DENND1A: variants seen among roughly 807,000 people sequenced by gnomAD.
The protein encoded by DENND1A is DENN domain containing 1A.
In DENND1A, 51 loss-of-function variants were observed where a neutral mutation model predicts 113.7. The observed-to-expected ratio is 0.45, with a 90% CI of 0.36 to 0.57. The LOEUF is 0.57. DENND1A is among the 20% of genes least tolerant of loss of function. DENND1A has a pLI of 0.00. For synonymous variants in DENND1A, 565 were observed against 570.8 expected (o/e 0.99, Z 0.14); for missense variants, 1,258 against 1,395.9 (o/e 0.90, Z 1.57).
intron 18 of DENND1A, among the ~76,000 whole-genome samples, chr9:123,441,204 C>T (rs931375099): frequency 3.3e-5 from 5 of 152,276 alleles, no homozygotes; most frequent in Admixed American, 1.3e-4. Flanking sequence ...ACCAGTTTCA[C>T]GATACTTGTG....
chr9:123,580,848 C>T (rs2058854363), intron 12 of DENND1A, among the ~76,000 whole-genome samples: 1 of 152,184 alleles, frequency 6.6e-6, no homozygotes, highest in Non-Finnish European at 1.5e-5. Context: ...TAAGTTCTGT[C>T]ATCTCTTGCT....
intron 18 of DENND1A, among the ~76,000 whole-genome samples, chr9:123,440,867 A>G (rs897761611): frequency 6.6e-6 from 1 of 152,230 alleles, no homozygotes; most frequent in Non-Finnish European, 1.5e-5. Context: ...TTTCCCCACT[A>G]TATTATAAGC....
chr9:123,396,876 G>C (rs1418047383), intron 21 of DENND1A, among the ~76,000 whole-genome samples: 1 of 152,150 alleles, frequency 6.6e-6, no homozygotes, highest in African/African-American at 2.4e-5. Flanking sequence ...GTATAAGGTG[G>C]TACAATTCTT....
intron 13 of DENND1A, among the ~76,000 whole-genome samples, chr9:123,463,495 G>T (rs1182614810): frequency 6.6e-6 from 1 of 152,108 alleles, no homozygotes; most frequent in African/African-American, 2.4e-5. Context: ...GACCCATAGA[G>T]TATTACATTC....
chr9:123,730,791 A>G (rs986604812), intron 5 of DENND1A, among the ~76,000 whole-genome samples: 2 of 152,216 alleles, frequency 1.3e-5, no homozygotes, highest in African/African-American at 4.8e-5. Flanking sequence ...ATTCTACTAT[A>G]AAGACACATG....
chr9:123,700,930 A>G (rs532554985), intron 5 of DENND1A, among the ~76,000 whole-genome samples: 1 of 152,332 alleles, frequency 6.6e-6, no homozygotes, highest in South Asian at 2.1e-4. Flanking sequence ...ATTTTGTTCA[A>G]TGTATCCCTT....
intron 1 of DENND1A, among the ~76,000 whole-genome samples, chr9:123,903,902 C>T (rs1443760581): frequency 7.2e-5 from 11 of 152,094 alleles, no homozygotes; most frequent in Non-Finnish European, 1.3e-4. Flanking sequence ...CCTCTGTAGG[C>T]TCCACCTCTG....
chr9:123,428,146 A>G (rs2045883053), intron 19 of DENND1A, among the ~76,000 whole-genome samples: 1 of 151,536 alleles, frequency 6.6e-6, no homozygotes, highest in South Asian at 2.1e-4. Context: ...TCTACAAAAA[A>G]TACAAAAATT....
chr9:123,872,677 A>G (rs928017177), intron 2 of DENND1A, among the ~76,000 whole-genome samples: 7 of 152,218 alleles, frequency 4.6e-5, no homozygotes, highest in Non-Finnish European at 8.8e-5. Context: ...AAAAATTTAA[A>G]GACAAATGGA....
chr9:123,513,921 A>G (rs2053654919), intron 13 of DENND1A, among the ~76,000 whole-genome samples: 2 of 152,220 alleles, frequency 1.3e-5, no homozygotes, highest in South Asian at 4.1e-4. Flanking sequence ...AGCCTGCCCA[A>G]CATGGATCCC....
chr9:123,798,084 A>G (rs1416768677), intron 2 of DENND1A, among the ~76,000 whole-genome samples: 1 of 152,162 alleles, frequency 6.6e-6, no homozygotes, highest in Non-Finnish European at 1.5e-5. Flanking sequence ...AAAACTTTAA[A>G]TCATCCCAAT....
intron 5 of DENND1A, among the ~76,000 whole-genome samples, chr9:123,738,907 T>G (rs1270969432): frequency 1.3e-5 from 2 of 152,206 alleles, no homozygotes; most frequent in East Asian, 3.8e-4. Context: ...GAATTGGGAT[T>G]TGATGTGGCT....
At chr9:123,538,751 T>A (rs1456788830) in intron 13 of DENND1A, among the ~76,000 whole-genome samples, 13 of 77,468 alleles carry the variant, frequency 1.7e-4, no homozygotes, top group South Asian at 3.7e-4. Flanking sequence ...TGTGTGTGAG[T>A]GTGTGTGTGT....
intron 9 of DENND1A, among the ~76,000 whole-genome samples, chr9:123,645,694 G>T (rs779146648): frequency 3.9e-5 from 6 of 152,124 alleles, no homozygotes; most frequent in Non-Finnish European, 7.4e-5. Context: ...TCTTTGTTAA[G>T]AAAAGCCTTT....
rs547751275 is a variant in DENND1A at position 123,431,895 on chromosome 9, C to T, written c.1488+8465G>A. On this transcript the variant is annotated intron_variant, in intron 19 of 23. Coordinates refer to ENST00000394215, the MANE Select transcript of DENND1A (RefSeq NM_001352964.2). ...GTCCTAGAAGGAGGGATGGTCTGGA[C>T]GGTCTGGAGGGGTGGACTAAGCTTG... 1.1e-3 allele frequency among the ~76,000 whole-genome samples: 162 copies of T among 152,302 alleles called. 1 individual carries two copies. The highest frequency in any genetic ancestry group is 3.7e-3 in the African/African-American group (154 of 41,576).
chr9:123,512,824 T>C (rs1016109607), intron 13 of DENND1A, among the ~76,000 whole-genome samples: 1 of 152,220 alleles, frequency 6.6e-6, no homozygotes, highest in Admixed American at 6.5e-5. Context: ...CCTCTACCTC[T>C]CTGAGTCTCA....
At chr9:123,763,201 T>C (rs1249282284) in intron 4 of DENND1A, among the ~76,000 whole-genome samples, 1 of 152,062 alleles carries the variant, frequency 6.6e-6, no homozygotes, top group Non-Finnish European at 1.5e-5. Context: ...AGAGAGCAGT[T>C]TGGAAGAAGG....
At chr9:123,585,535 T>C (rs1412323412) in intron 11 of DENND1A, among the ~76,000 whole-genome samples, 1 of 152,238 alleles carries the variant, frequency 6.6e-6, no homozygotes, top group Non-Finnish European at 1.5e-5. Flanking sequence ...ATGAGAATGC[T>C]GAGATTCACA....
intron 8 of DENND1A, among the ~76,000 whole-genome samples, chr9:123,663,079 T>C (rs989958785): frequency 6.6e-6 from 1 of 152,216 alleles, no homozygotes; most frequent in African/African-American, 2.4e-5. Context: ...TCAACAACTA[T>C]GTAGTACTAC....
Sources: allele counts gnomAD v4.1 joint callset (sites outside exome capture counted in the v4.1 genomes callset), GRCh38; gene constraint gnomAD v4.1.1; transcripts MANE v1.5; gene names NCBI Gene and HGNC (gene_info 2026-07-23, HGNC 2026-07-21).